Variants in SPAG16 observed in about 807,000 individuals in gnomAD.
SPAG16 encodes sperm-associated antigen 16 protein.
A neutral mutation model predicts 80.4 loss-of-function variants in SPAG16; 86 were observed. The ratio of observed to expected loss-of-function variants is 1.07; its 90% CI spans 0.90 to 1.28. SPAG16 has a LOEUF of 1.28. Among genes scored for constraint, SPAG16 ranks in the 50% most tolerant of loss-of-function variants. The probability of loss-of-function intolerance (pLI) is 0.00; values close to 1 mark genes in which losing one functional copy is unlikely to be tolerated. For missense variants in SPAG16, 870 were observed against 765.3 expected, an observed-to-expected ratio of 1.14 and a Z score of -1.61; for synonymous variants, 294 against 265.9, an observed-to-expected ratio of 1.11 and a Z score of -1.03.
At chr2:213,407,952 GGA>G (rs1460690348) in intron 9 of SPAG16, among the ~76,000 whole-genome samples, 3 of 128,646 alleles carry the variant, frequency 2.3e-5, no homozygotes, top group East Asian at 4.7e-4. Flanking sequence ...GAGAGAGACA[GGA>G]GAGAGGCAGA....
intron 15 of SPAG16, among the ~76,000 whole-genome samples, chr2:214,376,718 T>C (rs1259260935): frequency 6.6e-6 from 1 of 152,190 alleles, no homozygotes; most frequent in Non-Finnish European, 1.5e-5. Context: ...TCCCAACGAC[T>C]TGTCTGTTTG....
chr2:214,385,994 G>A (rs554601445), intron 15 of SPAG16, among the ~76,000 whole-genome samples: 4 of 152,098 alleles, frequency 2.6e-5, no homozygotes, highest in African/African-American at 7.2e-5. Context: ...TCTCTTTTTC[G>A]GGATCTTGAT....
intron 15 of SPAG16, among the ~76,000 whole-genome samples, chr2:214,220,765 CT>C (rs1288041661): frequency 6.6e-6 from 1 of 152,066 alleles, no homozygotes; most frequent in Non-Finnish European, 1.5e-5. Flanking sequence ...CTTGAAGGGG[CT>C]TTTTTACTTA....
chr2:214,326,101 T>A (rs951036247), intron 15 of SPAG16, among the ~76,000 whole-genome samples: 1 of 152,190 alleles, frequency 6.6e-6, no homozygotes, highest in Non-Finnish European at 1.5e-5. Flanking sequence ...TGTGTCAGTG[T>A]CATTTTATCT....
chr2:213,908,510 T>C (rs995500868), intron 11 of SPAG16, among the ~76,000 whole-genome samples: 3 of 152,236 alleles, frequency 2.0e-5, no homozygotes, highest in African/African-American at 7.2e-5. Context: ...GTGATCTCAC[T>C]GAACTTCTTT....
chr2:214,071,276 C>A (rs553298245), intron 13 of SPAG16, among the ~76,000 whole-genome samples: 64 of 152,210 alleles, frequency 4.2e-4, no homozygotes, highest in African/African-American at 1.4e-3. Flanking sequence ...AAGGGCAGGT[C>A]TGTAGATAGA....
intron 12 of SPAG16, among the ~76,000 whole-genome samples, chr2:213,976,135 TACACAC>T (rs1553685174): frequency 2.1e-4 from 17 of 81,406 alleles, no homozygotes; most frequent in East Asian, 7.6e-4. Context: ...TATATATATA[TACACAC>T]ACACACACAC....
chr2:214,391,724 C>G (rs888465887), intron 15 of SPAG16, among the ~76,000 whole-genome samples: 2 of 152,140 alleles, frequency 1.3e-5, no homozygotes, highest in African/African-American at 4.8e-5. Flanking sequence ...CTAATTTCCA[C>G]CACTGAGCTC....
At chr2:214,208,165 C>G (rs1208052396) in intron 15 of SPAG16, among the ~76,000 whole-genome samples, 1 of 152,114 alleles carries the variant, frequency 6.6e-6, no homozygotes, top group Non-Finnish European at 1.5e-5. Context: ...CTGAAAAATA[C>G]AGATTTCGGT....
At chr2:213,922,455 G>T (rs1435265246) in intron 11 of SPAG16, among the ~76,000 whole-genome samples, 1 of 152,054 alleles carries the variant, frequency 6.6e-6, no homozygotes, top group African/African-American at 2.4e-5. Context: ...TAGCTTCCTT[G>T]GATTGGGTTT....
At chr2:214,019,882 C>T (rs1012147861) in intron 13 of SPAG16, among the ~76,000 whole-genome samples, 3 of 152,118 alleles carry the variant, frequency 2.0e-5, no homozygotes, top group African/African-American at 7.2e-5. Flanking sequence ...AACACACAGA[C>T]TCTCAGGGAC....
chr2:214,173,836 G>A (rs2056971695), intron 15 of SPAG16, among the ~76,000 whole-genome samples: 1 of 151,996 alleles, frequency 6.6e-6, no homozygotes, highest in Admixed American at 6.6e-5. Flanking sequence ...GTAAAATACT[G>A]GCAAGCCGAA....
At chr2:213,749,788 C>G (rs2068000337) in intron 10 of SPAG16, among the ~76,000 whole-genome samples, 1 of 152,020 alleles carries the variant, frequency 6.6e-6, no homozygotes, top group South Asian at 2.1e-4. Flanking sequence ...TTTACTTAGG[C>G]TATAAATTTA....
In SPAG16 at chr2:213,645,648, TTC is replaced by T. The variant is rs2062793691; in HGVS notation, c.1070+155565_1070+155566del. On this transcript the variant is annotated intron_variant, in intron 10 of 15. Coordinates refer to ENST00000331683, the MANE Select transcript of SPAG16 (RefSeq NM_024532.5). The stretch of plus-strand genomic sequence containing the variant: ...AGGCAAGGCAAAGTCCTCTCCCTTC[TTC>T]TCTCTCCTCTTCTCAAGCAAAATGG... Among the ~76,000 whole-genome samples, 3 of 152,258 alleles carry T rather than the reference TTC, an allele frequency of 2.0e-5. No homozygotes were observed. The South Asian group carries it at 6.2e-4, about 32-fold the overall frequency.
In SPAG16 at chr2:213,530,976, A is replaced by G. The variant is rs117277231; in HGVS notation, c.1070+40886A>G. On this transcript the variant is annotated intron_variant, in intron 10 of 15. Transcript: ENST00000331683. Reference sequence around the variant, plus strand: ...TGAATTTATGAATCTAATTAAAGTTATTTATAATCTTTTTTAATTCCTGAA... The same window carrying G: ...TGAATTTATGAATCTAATTAAAGTTGTTTATAATCTTTTTTAATTCCTGAA... Among the ~76,000 whole-genome samples, 18 of 152,212 alleles carry G rather than the reference A, an allele frequency of 1.2e-4. No individual in the cohort carries two copies. In the East Asian group the frequency reaches 3.5e-3, roughly 29 times the overall value.
chr2:214,017,664 A>G (rs779609248), intron 13 of SPAG16, among the ~76,000 whole-genome samples: 1 of 152,068 alleles, frequency 6.6e-6, no homozygotes, highest in Non-Finnish European at 1.5e-5. Context: ...TGCTATCCTT[A>G]TTCCCTGAAG....
chr2:214,101,984 A>G lies in SPAG16; in HGVS notation c.1528-6212A>G, dbSNP rs185769763. ...GAATATGCTCCCGGGTTAGAACTACACTGAAGCAAAGGTGTTGGGGAATAA... is the reference window on the plus strand; with the variant it reads ...GAATATGCTCCCGGGTTAGAACTACGCTGAAGCAAAGGTGTTGGGGAATAA... On this transcript the variant is annotated intron_variant, in intron 13 of 15. Coordinates refer to ENST00000331683, the MANE Select transcript of SPAG16 (RefSeq NM_024532.5). 3.0e-4 allele frequency among the ~76,000 whole-genome samples: 46 copies of G among 152,258 alleles called. No homozygotes were observed. The East Asian group carries it at 8.9e-3, about 29-fold the overall frequency.
chr2:214,000,822 G>T (rs1478043870), intron 12 of SPAG16, among the ~76,000 whole-genome samples: 1 of 152,146 alleles, frequency 6.6e-6, no homozygotes, highest in African/African-American at 2.4e-5. Context: ...GGAAACAGGT[G>T]GGTTAAATAG....
chr2:213,400,397 G>A (rs943657796), intron 9 of SPAG16, among the ~76,000 whole-genome samples: 1 of 152,014 alleles, frequency 6.6e-6, no homozygotes, highest in East Asian at 1.9e-4. Flanking sequence ...TTTGTTCTTT[G>A]TCCTGTGGCT....
Sources: gnomAD v4.1 joint callset for allele counts (sites outside exome capture counted in the v4.1 genomes callset) on GRCh38, gnomAD v4.1.1 for gene constraint, MANE v1.5 for transcripts, NCBI Gene and HGNC (gene_info 2026-07-23, HGNC 2026-07-21) for gene names.